Variants in AGO2 observed in about 807,000 individuals in gnomAD.
AGO2 encodes argonaute RISC catalytic component 2, also known as protein argonaute-2.
A neutral mutation model predicts 102.3 loss-of-function variants in AGO2; 5 were observed. The ratio of observed to expected loss-of-function variants is 0.05; its 90% CI spans 0.03 to 0.10. AGO2 has a LOEUF of 0.10. Among genes scored for constraint, AGO2 ranks in the 10% least tolerant of loss-of-function variants. The probability of loss-of-function intolerance (pLI) is 1.00; values close to 1 mark genes in which losing one functional copy is unlikely to be tolerated. For missense variants in AGO2, 541 were observed against 1,183.7 expected, an observed-to-expected ratio of 0.46 and a Z score of 7.97; for synonymous variants, 449 against 473.1, an observed-to-expected ratio of 0.95 and a Z score of 0.66.
chr8:140,635,518 C>A lies in AGO2; in HGVS notation c.-12G>T. On this transcript the variant is annotated 5_prime_UTR_variant, in exon 1 of 19. Coordinates refer to ENST00000220592, the MANE Select transcript of AGO2 (RefSeq NM_012154.5). Reference sequence around the variant, plus strand: ...GCTCCCGAGTACATGGTGGCGCCGCCGAGGGGCTCCGGGGCCGAGGGGCGG... The same window carrying A: ...GCTCCCGAGTACATGGTGGCGCCGCAGAGGGGCTCCGGGGCCGAGGGGCGG... 1 of 979,046 alleles carries A rather than the reference C, an allele frequency of 1.0e-6. No individual in the cohort carries two copies. Among genetic ancestry groups the A allele is most frequent in the South Asian group, 4.6e-5 (1 of 21,962 alleles). The allele number at this position is 979,046 out of a possible 1,614,324, so 60.6% of individuals were successfully genotyped here. A position where few individuals can be genotyped will look rare whatever the true frequency, so the allele number is the denominator to read the frequency against.
At chr8:140,642,123 C>T in the AGO2 span, among the ~76,000 whole-genome samples, 2 of 152,100 alleles carry the variant, frequency 1.3e-5, no homozygotes, top group East Asian at 1.9e-4. Flanking sequence ...TAAAGATGTA[C>T]AAAACCTCTG....
chr8:140,535,041 G>A (rs1035561530), intron 17 of AGO2, among the ~76,000 whole-genome samples: 8 of 152,336 alleles, frequency 5.3e-5, no homozygotes, highest in African/African-American at 1.4e-4. Flanking sequence ...GCGAGGGGAC[G>A]GCAAGGCTGA....
Position 140,635,533 on chromosome 8 carries a change from C to T in AGO2, c.-27G>A. 1.0e-6 allele frequency: 1 copy of T among 979,794 alleles called. No homozygotes were observed. Among genetic ancestry groups the T allele is most frequent in the Non-Finnish European group, 1.2e-6 (1 of 827,646 alleles). 60.7% of individuals were successfully genotyped at this position (979,794 alleles called of 1,614,324 possible). ...GTGGCGCCGCCGAGGGGCTCCGGGG[C>T]CGAGGGGCGGCCGCGCGCGCGCCAC... On this transcript the variant is annotated 5_prime_UTR_variant, in exon 1 of 19. Coordinates refer to ENST00000220592, the MANE Select transcript of AGO2 (RefSeq NM_012154.5).
intron 1 of AGO2, among the ~76,000 whole-genome samples, chr8:140,605,097 T>C (rs1480310538): frequency 6.6e-6 from 1 of 151,984 alleles, no homozygotes; most frequent in Non-Finnish European, 1.5e-5. Context: ...AAAATACAAG[T>C]TTTTTTTCTT....
At chr8:140,545,644 C>A (rs147321273) in intron 13 of AGO2, among the ~76,000 whole-genome samples, 2 of 152,196 alleles carry the variant, frequency 1.3e-5, no homozygotes, top group Non-Finnish European at 2.9e-5. Context: ...ACAGCCTCCC[C>A]GTCTAATGAT....
chr8:140,641,292 CAA>C, the AGO2 span, among the ~76,000 whole-genome samples: 1 of 110,418 alleles, frequency 9.1e-6, no homozygotes, highest in Non-Finnish European at 1.9e-5. Context: ...GACGCTGTCT[CAA>C]AACACACACA....
chr8:140,554,294 G>A (rs574171563), intron 10 of AGO2, among the ~76,000 whole-genome samples: 2 of 152,236 alleles, frequency 1.3e-5, no homozygotes, highest in East Asian at 1.9e-4. Flanking sequence ...GGGGACAAGC[G>A]AGCCAAGGAG....
chr8:140,561,366 T>A (rs2073199090), intron 4 of AGO2, among the ~76,000 whole-genome samples: 1 of 152,256 alleles, frequency 6.6e-6, no homozygotes, highest in African/African-American at 2.4e-5. Context: ...CCTCTACTGC[T>A]CTTCTTTTCC....
intron 10 of AGO2, among the ~76,000 whole-genome samples, chr8:140,552,424 G>C (rs2073014196): frequency 6.6e-6 from 1 of 152,242 alleles, no homozygotes; most frequent in Non-Finnish European, 1.5e-5. Context: ...GGGAGGGACA[G>C]GCACTCCTAG....
At chr8:140,569,196 G>A (rs930519045) in intron 3 of AGO2, among the ~76,000 whole-genome samples, 4 of 152,358 alleles carry the variant, frequency 2.6e-5, no homozygotes, top group Middle Eastern at 6.8e-3. Flanking sequence ...CAGGAGTGCC[G>A]AACTACCATG....
At chr8:140,576,808 C>T (rs1487133499) in intron 2 of AGO2, among the ~76,000 whole-genome samples, 2 of 152,180 alleles carry the variant, frequency 1.3e-5, no homozygotes, top group South Asian at 2.1e-4. Flanking sequence ...GGAAACAATT[C>T]AAATCAATGT....
chr8:140,595,997 A>C (rs1222750438), intron 1 of AGO2, among the ~76,000 whole-genome samples: 1 of 131,446 alleles, frequency 7.6e-6, no homozygotes, highest in Non-Finnish European at 1.6e-5. Flanking sequence ...TATATATTAT[A>C]TATATATACA....
At position 140,557,248 on chromosome 8, in the gene AGO2, A is replaced by G; in HGVS notation, c.879-12T>C. ...GCTGCAGCGGGAATCTGAGGAGCAA[A>G]GGGGCTGTTCAGGCCGAGGGCATCC... On this transcript the variant is annotated splice_polypyrimidine_tract_variant and intron_variant, in intron 7 of 18. Coordinates refer to ENST00000220592, the MANE Select transcript of AGO2 (RefSeq NM_012154.5). This position sits in a 1 kb window ranked among gnomAD's most constrained non-coding sequence, Gnocchi z 5.9. 1.2e-6 allele frequency: 2 copies of G among 1,610,642 alleles called. No homozygotes were observed. Among genetic ancestry groups the G allele is most frequent in the Non-Finnish European group, 1.7e-6 (2 of 1,178,088 alleles).
Position 140,560,233 on chromosome 8 carries a change from C to T in AGO2, c.655+141G>A. On this transcript the variant is annotated intron_variant, in intron 5 of 18. Coordinates refer to ENST00000220592, the MANE Select transcript of AGO2 (RefSeq NM_012154.5). The stretch of plus-strand genomic sequence containing the variant: ...ACCCACCCAACACTGCAGGTGAGAC[C>T]AGCCAGGTGTCACGCAGCGGCGCTG... 4 of 1,294,186 alleles carry T rather than the reference C, an allele frequency of 3.1e-6. No individual in the cohort carries two copies. The South Asian group carries it at 4.3e-5, about 14-fold the overall frequency. The allele number at this position is 1,294,186 out of a possible 1,614,324, so 80.2% of individuals were successfully genotyped here. A position where few individuals can be genotyped will look rare whatever the true frequency, so the allele number is the denominator to read the frequency against.
At chr8:140,599,155 T>C (rs2073892400) in intron 1 of AGO2, among the ~76,000 whole-genome samples, 1 of 152,086 alleles carries the variant, frequency 6.6e-6, no homozygotes. Flanking sequence ...TGGGAAGCAG[T>C]CCCCAAAGCA....
At chr8:140,575,991 TAA>T (rs989879225) in intron 2 of AGO2, among the ~76,000 whole-genome samples, 50 of 151,814 alleles carry the variant, frequency 3.3e-4, no homozygotes, top group African/African-American at 1.2e-3. Flanking sequence ...ACCCATCTCT[TAA>T]AAAAAAGAGA....
Position 140,531,797 on chromosome 8 carries a change from A to G in AGO2, c.*247T>C. ...TTAGGACACACGGGACTCTGTTTTA[A>G]TAAGCAGCTTATAGATTTTAGCAAA... On this transcript the variant is annotated 3_prime_UTR_variant, in exon 19 of 19. Transcript: ENST00000220592. 2.4e-6 allele frequency: 1 copy of G among 409,444 alleles called. No homozygotes were observed. Among genetic ancestry groups the G allele is most frequent in the Non-Finnish European group, 4.5e-6 (1 of 223,406 alleles). 25.4% of individuals were successfully genotyped at this position (409,444 alleles called of 1,614,324 possible). A position where few individuals can be genotyped will look rare whatever the true frequency, so the allele number is the denominator to read the frequency against.
intron 1 of AGO2, among the ~76,000 whole-genome samples, chr8:140,595,600 C>A: frequency 9.2e-6 from 1 of 108,458 alleles, no homozygotes; most frequent in Non-Finnish European, 1.8e-5. Context: ...TGCCATCATG[C>A]CAGGCTATAT....
intron 2 of AGO2, among the ~76,000 whole-genome samples, chr8:140,576,708 C>T (rs1361791224): frequency 6.6e-6 from 1 of 152,190 alleles, no homozygotes; most frequent in Non-Finnish European, 1.5e-5. Flanking sequence ...GTCTATTTAC[C>T]ACCCTGTCTA....
Sources: gnomAD v4.1 joint callset for allele counts (sites outside exome capture counted in the v4.1 genomes callset) on GRCh38, gnomAD v4.1.1 for gene constraint, Gnocchi (gnomAD v3.1) non-coding constraint, MANE v1.5 for transcripts, NCBI Gene and HGNC (gene_info 2026-07-23, HGNC 2026-07-21) for gene names.